The following RYR2 variants were observed in gnomAD, a reference collection of about 807,000 sequenced individuals.
The protein encoded by RYR2 is ryanodine receptor 2.
Under a neutral mutation model 601.1 loss-of-function variants are expected in RYR2, and 227 were observed. The ratio of observed to expected loss-of-function variants is 0.38; its 90% CI spans 0.34 to 0.42. RYR2 has a LOEUF of 0.42. RYR2 is among the 10% of genes least tolerant of loss of function. RYR2 has a pLI of 1.00. For synonymous variants in RYR2, 2,223 were observed against 2,175.1 expected (o/e 1.02, Z -0.61); for missense variants, 4,646 against 6,156.5 (o/e 0.75, Z 8.21).
intron 1 of RYR2, among the ~76,000 whole-genome samples, chr1:237,115,604 A>G (rs1279800660): frequency 6.6e-6 from 1 of 152,200 alleles, no homozygotes; most frequent in Non-Finnish European, 1.5e-5. Context: ...TATAATTACT[A>G]CCAAAGACAA....
At chr1:237,397,616 A>G (rs897388660) in intron 10 of RYR2, among the ~76,000 whole-genome samples, 5 of 152,258 alleles carry the variant, frequency 3.3e-5, no homozygotes, top group Non-Finnish European at 5.9e-5. Context: ...GCAGAAAGTA[A>G]TGTTTAAGGA....
intron 63 of RYR2, among the ~76,000 whole-genome samples, chr1:237,694,037 G>C (rs1260814486): frequency 6.6e-6 from 1 of 152,178 alleles, no homozygotes; most frequent in Non-Finnish European, 1.5e-5. Context: ...GCTCACGCCT[G>C]TAATCCCAGC....
intron 2 of RYR2, among the ~76,000 whole-genome samples, chr1:237,327,154 A>T (rs906632690): frequency 4.0e-5 from 6 of 148,254 alleles, no homozygotes; most frequent in African/African-American, 1.5e-4. Context: ...GGTAAACACT[A>T]TTTTTTTTTT....
chr1:237,518,523 G>A (rs545939317), intron 24 of RYR2, among the ~76,000 whole-genome samples: 28 of 152,096 alleles, frequency 1.8e-4, no homozygotes, highest in African/African-American at 6.7e-4. Context: ...TTGCCTTTCT[G>A]GGTCTAGCTT....
At chr1:237,156,029 C>T (rs556581896) in intron 1 of RYR2, among the ~76,000 whole-genome samples, 1 of 152,298 alleles carries the variant, frequency 6.6e-6, no homozygotes, top group South Asian at 2.1e-4. Flanking sequence ...CATGTGTTCC[C>T]TCTCTAACTC....
intron 84 of RYR2, among the ~76,000 whole-genome samples, 164 bp from the exon 85 acceptor site, chr1:237,770,643 C>T (rs1178140009): frequency 1.3e-5 from 2 of 152,280 alleles, no homozygotes; most frequent in Admixed American, 6.5e-5. Flanking sequence ...ATCTGCCAAG[C>T]GCATGATCTT....
chr1:237,671,508 T>C (rs1684929999), intron 58 of RYR2, among the ~76,000 whole-genome samples: 2 of 150,858 alleles, frequency 1.3e-5, no homozygotes, highest in East Asian at 1.9e-4. Flanking sequence ...CCTGGGTGTG[T>C]GTGTGTGTGT....
intron 38 of RYR2, among the ~76,000 whole-genome samples, chr1:237,620,122 G>T (rs1199325209): frequency 6.6e-6 from 1 of 152,094 alleles, no homozygotes; most frequent in Non-Finnish European, 1.5e-5. Flanking sequence ...TCATAAAACT[G>T]ATGTGTTTCT....
chr1:237,694,368 G>T (rs946656884), intron 63 of RYR2, among the ~76,000 whole-genome samples: 6 of 151,738 alleles, frequency 4.0e-5, no homozygotes, highest in African/African-American at 1.4e-4. Flanking sequence ...TGAGGATTCA[G>T]TGTGCCATTA....
chr1:237,454,778 A>G (rs1251369143), intron 15 of RYR2, among the ~76,000 whole-genome samples: 2 of 152,186 alleles, frequency 1.3e-5, no homozygotes, highest in Non-Finnish European at 2.9e-5. Context: ...TATTAATTTA[A>G]AAACATGAAT....
At chr1:237,574,278 T>A (rs1364450715) in intron 29 of RYR2, among the ~76,000 whole-genome samples, 1 of 152,202 alleles carries the variant, frequency 6.6e-6, no homozygotes, top group Non-Finnish European at 1.5e-5. Context: ...TTTCCATGAA[T>A]TCTTGTCTCT....
chr1:237,598,852 C>T (rs1455341621), intron 34 of RYR2, among the ~76,000 whole-genome samples: 9 of 151,934 alleles, frequency 5.9e-5, no homozygotes, highest in Admixed American at 4.6e-4. Flanking sequence ...ATCAATGATA[C>T]GAAGAGTTGG....
At chr1:237,489,609 A>G (rs1200663157) in intron 17 of RYR2, among the ~76,000 whole-genome samples, 1 of 152,124 alleles carries the variant, frequency 6.6e-6, no homozygotes, top group Non-Finnish European at 1.5e-5. Context: ...GTGAAGTGAA[A>G]TTGTGCCATT....
At chr1:237,201,383 G>T (rs1433184393) in intron 1 of RYR2, among the ~76,000 whole-genome samples, 2 of 152,162 alleles carry the variant, frequency 1.3e-5, no homozygotes, top group Non-Finnish European at 2.9e-5. Context: ...CAGATATGTT[G>T]ATTTGTAACA....
At chr1:237,516,222 T>A (rs1666532577) in intron 24 of RYR2, among the ~76,000 whole-genome samples, 1 of 152,150 alleles carries the variant, frequency 6.6e-6, no homozygotes, top group African/African-American at 2.4e-5. Flanking sequence ...GTGATTCTCC[T>A]GCCTCAGCCT....
intron 1 of RYR2, among the ~76,000 whole-genome samples, chr1:237,269,635 G>A (rs1290430203): frequency 1.3e-5 from 2 of 152,088 alleles, no homozygotes; most frequent in African/African-American, 2.4e-5. Context: ...TTTTCTTACT[G>A]TGCATTTGGT....
At chr1:237,334,848 A>G (rs1558641638) in intron 3 of RYR2, among the ~76,000 whole-genome samples, 3 of 152,326 alleles carry the variant, frequency 2.0e-5, no homozygotes, top group South Asian at 4.1e-4. Flanking sequence ...GGTTAAAAAC[A>G]GGGGTTTATT....
chr1:237,219,700 C>T (rs558031040), intron 1 of RYR2, among the ~76,000 whole-genome samples: 121 of 152,266 alleles, frequency 7.9e-4, no homozygotes, highest in Middle Eastern at 3.4e-3. Context: ...TAATTTCCTC[C>T]TGGATAAGTG....
chr1:237,247,955 C>T (rs1447137928), intron 1 of RYR2, among the ~76,000 whole-genome samples: 1 of 152,032 alleles, frequency 6.6e-6, no homozygotes, highest in African/African-American at 2.4e-5. Flanking sequence ...AGGGTTTTCG[C>T]AGAATCTGAG....
Sources: allele counts gnomAD v4.1 joint callset (sites outside exome capture counted in the v4.1 genomes callset), GRCh38; gene constraint gnomAD v4.1.1; transcripts MANE v1.5; gene names NCBI Gene and HGNC (gene_info 2026-07-23, HGNC 2026-07-21).